Variants in FBN1 observed in about 807,000 individuals in gnomAD.
FBN1 encodes the protein fibrillin 1, also known as fibrillin-1.
A neutral mutation model predicts 365.1 loss-of-function variants in FBN1; 29 were observed. The observed-to-expected ratio is 0.08, with a 90% CI of 0.06 to 0.11. FBN1 has a LOEUF of 0.11. Among genes scored for constraint, FBN1 ranks in the 10% least tolerant of loss-of-function variants. The probability of loss-of-function intolerance (pLI) is 1.00; values close to 1 mark genes in which losing one functional copy is unlikely to be tolerated. For missense variants in FBN1, 2,476 were observed against 3,703.2 expected (o/e 0.67, Z 8.60); for synonymous variants, 1,210 against 1,270.5 (o/e 0.95, Z 1.01).
At position 48,440,375 on chromosome 15, in the gene FBN1, G is replaced by A. The variant is rs142845279; in HGVS notation, c.6163+1346C>T. ...AGTGCAAATTGAATTAATAGCCTAG[G>A]AGTTTCCTCTGGCCTGCCACATCGG... On this transcript the variant is annotated intron_variant, in intron 50 of 65. Coordinates refer to ENST00000316623, the MANE Select transcript of FBN1 (RefSeq NM_000138.5). 5.0e-3 allele frequency among the ~76,000 whole-genome samples: 757 copies of A among 152,282 alleles called. 5 individuals carry two copies. Among genetic ancestry groups the A allele is most frequent in the African/African-American group, 0.017 (726 of 41,562 alleles).
chr15:48,628,279 T>C (rs1889923888), intron 2 of FBN1, among the ~76,000 whole-genome samples: 2 of 151,666 alleles, frequency 1.3e-5, no homozygotes, highest in Admixed American at 6.6e-5. Flanking sequence ...ACTAAGGTTG[T>C]ACTTGTTCCA....
intron 2 of FBN1, among the ~76,000 whole-genome samples, chr15:48,635,961 T>A (rs1890083796): frequency 6.6e-6 from 1 of 152,240 alleles, no homozygotes; most frequent in African/African-American, 2.4e-5. Flanking sequence ...CCAACTGAAC[T>A]TGATCAAGTT....
At chr15:48,537,911 G>T in intron 6 of FBN1, 103 bp from the exon 7 acceptor site, 2 of 1,161,086 alleles carry the variant, frequency 1.7e-6, no homozygotes, top group South Asian at 1.3e-5. Context: ...ATTGAGAAAT[G>T]AATTTCAGGG....
chr15:48,626,172 AC>A (rs1889872933), intron 2 of FBN1, among the ~76,000 whole-genome samples: 1 of 151,668 alleles, frequency 6.6e-6, no homozygotes, highest in Non-Finnish European at 1.5e-5. Context: ...TGGGAGGATC[AC>A]TTGAGCCCAG....
At chr15:48,622,505 G>C (rs762199280) in intron 2 of FBN1, among the ~76,000 whole-genome samples, 15 of 152,120 alleles carry the variant, frequency 9.9e-5, no homozygotes, top group South Asian at 2.1e-4. Flanking sequence ...CAAATCCCTT[G>C]TCCAAATCCT....
chr15:48,443,711 T>G (rs939453624), intron 49 of FBN1, among the ~76,000 whole-genome samples: 8 of 152,212 alleles, frequency 5.3e-5, no homozygotes, highest in African/African-American at 9.6e-5. Flanking sequence ...CTTTCAACCC[T>G]ACTTATTTAT....
intron 46 of FBN1, among the ~76,000 whole-genome samples, chr15:48,447,307 T>C (rs1315414442): frequency 6.6e-6 from 1 of 152,044 alleles, no homozygotes; most frequent in East Asian, 1.9e-4. Flanking sequence ...AGCTCACCTG[T>C]CATTTCAGAC....
In FBN1 at chr15:48,520,827, A is replaced by T. The variant is rs774104217; in HGVS notation, c.989-10T>A. On this transcript the variant is annotated splice_polypyrimidine_tract_variant and intron_variant, in intron 9 of 65. Transcript: ENST00000316623. ...TATCCTGGGCGAACATCTGAGGACA[A>T]AGAAACACATACACACACACACATC... 7.4e-6 allele frequency: 12 copies of T among 1,614,122 alleles called. No homozygotes were observed. The South Asian group carries it at 1.3e-4, about 18-fold the overall frequency.
intron 17 of FBN1, among the ~76,000 whole-genome samples, chr15:48,499,344 C>T (rs535714484): frequency 2.6e-5 from 4 of 152,342 alleles, no homozygotes; most frequent in Middle Eastern, 3.4e-3. Context: ...TTTACACTTA[C>T]GGTGAAATGT....
At chr15:48,561,789 T>C (rs1347372524) in intron 6 of FBN1, among the ~76,000 whole-genome samples, 1 of 152,170 alleles carries the variant, frequency 6.6e-6, no homozygotes, top group Non-Finnish European at 1.5e-5. Context: ...CTTGAAATGG[T>C]TTATACTGTC....
At chr15:48,523,976 T>C (rs1350477890) in intron 9 of FBN1, among the ~76,000 whole-genome samples, 1 of 152,156 alleles carries the variant, frequency 6.6e-6, no homozygotes, top group Non-Finnish European at 1.5e-5. Flanking sequence ...AGCAAATATA[T>C]TATGGATTAA....
chr15:48,623,760 T>C (rs1162252052), intron 2 of FBN1, among the ~76,000 whole-genome samples: 1 of 152,184 alleles, frequency 6.6e-6, no homozygotes, highest in Non-Finnish European at 1.5e-5. Context: ...GTGGAGTAAC[T>C]CACAGCACAA....
chr15:48,582,706 C>T (rs994762194), intron 6 of FBN1, among the ~76,000 whole-genome samples: 17 of 152,308 alleles, frequency 1.1e-4, no homozygotes, highest in African/African-American at 3.4e-4. Flanking sequence ...AAATGTTTGA[C>T]GCCTAAACAA....
Position 48,505,123 on chromosome 15 carries a change from C to T in FBN1, c.1862G>A (p.Gly621Glu), listed in dbSNP as rs1555399833. 1 of 1,614,104 alleles carries T rather than the reference C, an allele frequency of 6.2e-7. No individual in the cohort carries two copies. The highest frequency in any genetic ancestry group is 8.5e-7 in the Non-Finnish European group (1 of 1,180,004). The change falls in exon 16 of 66, where the codon GGG becomes GAG. Residue 621 changes from glycine to glutamate, a missense_variant. By Grantham distance (98) the Gly-to-Glu change is moderately conservative. Coordinates refer to ENST00000316623, the MANE Select transcript of FBN1 (RefSeq NM_000138.5). ...CKDINECETP[G>E]ICMNGRCVNT... ...GACGCAACGCCCATTCATGCAGATCCCAGGGGTTTCACACTCGTTAATGTC... is the reference window on the plus strand; with the variant it reads ...GACGCAACGCCCATTCATGCAGATCTCAGGGGTTTCACACTCGTTAATGTC...
chr15:48,563,583 T>C (rs985735161), intron 6 of FBN1, among the ~76,000 whole-genome samples: 13 of 152,194 alleles, frequency 8.5e-5, no homozygotes, highest in Admixed American at 7.9e-4. Flanking sequence ...TTCCAAGCAA[T>C]TAAGCCTTCA....
At chr15:48,542,209 G>A (rs755153118) in intron 6 of FBN1, among the ~76,000 whole-genome samples, 4 of 152,164 alleles carry the variant, frequency 2.6e-5, no homozygotes, top group Non-Finnish European at 4.4e-5. Context: ...TCACCCCGAA[G>A]CAAATGCATC....
rs76702162 is a variant in FBN1, at chr15:48,437,009, G to A, written c.6448C>T (p.Arg2150Cys). The stretch of plus-strand genomic sequence containing the variant: ...ATATAACCAAAGGGACACTCGCAGC[G>A]ATAGGAACCATCTGTATTGATGCAC... ...GQCINTDGSY[R>C]CECPFGYILA... is the part of the protein sequence containing the mutation. Residue 2150 changes from arginine to cysteine, a missense_variant, in exon 53 of 66, where the codon CGC (arginine) becomes TGC (cysteine). This residue lies in a region of FBN1 where 1,780 missense variants were observed against 2,840.8 expected (regional missense o/e 0.63). Transcript: ENST00000316623. The A allele has an allele frequency of 6.2e-7, 1 of 1,613,160 alleles. No homozygotes were observed. The highest frequency in any genetic ancestry group is 8.5e-7 in the Non-Finnish European group (1 of 1,179,310).
rs1341105449 is a variant in FBN1, at chr15:48,526,197, T to G, written c.921A>C (p.Thr307=). The G allele has an allele frequency of 2.5e-6, 4 of 1,613,994 alleles. No homozygotes were observed. Among genetic ancestry groups the G allele is most frequent in the Non-Finnish European group, 3.4e-6 (4 of 1,179,956 alleles). The change falls in exon 9 of 66, where the codon ACA becomes ACC. Residue 307 remains threonine (T), a synonymous_variant. Transcript: ENST00000316623. ...GACATTTGCAAAAGTAACTGCTGAC[T>G]GTGTTTGTACATTCACCCCCTTCAC... The part of the protein sequence containing the change: ...GICEGGECTN[T]VSSYFCKCPP...
chr15:48,635,392 A>T (rs1013480731), intron 2 of FBN1, among the ~76,000 whole-genome samples: 17 of 152,254 alleles, frequency 1.1e-4, no homozygotes, highest in Non-Finnish European at 2.4e-4. Context: ...TGCAAACTTG[A>T]CTATATTCCT....
Sources: allele counts gnomAD v4.1 joint callset (sites outside exome capture counted in the v4.1 genomes callset), GRCh38; gene constraint gnomAD v4.1.1; regional missense constraint gnomAD v4.1.1; transcripts MANE v1.5; gene names NCBI Gene and HGNC (gene_info 2026-07-23, HGNC 2026-07-21).